OXR1: variants seen among roughly 807,000 people sequenced by gnomAD.
The protein encoded by OXR1 is oxidation resistance 1, also known as oxidation resistance protein 1.
OXR1 carries 41 observed loss-of-function variants against 104.6 expected under a neutral mutation model. The observed-to-expected ratio is 0.39, with a 90% CI of 0.31 to 0.51. The LOEUF is 0.51. Ranked by LOEUF, OXR1 falls within the 20% of genes least tolerant of loss-of-function variation. The probability of loss-of-function intolerance (pLI) is 0.77; values close to 1 mark genes in which losing one functional copy is unlikely to be tolerated. For missense variants in OXR1, 955 were observed against 1,031.9 expected, an observed-to-expected ratio of 0.93 and a Z score of 1.02; for synonymous variants, 348 against 348.4, an observed-to-expected ratio of 1.00 and a Z score of 0.01.
Position 106,680,020 on chromosome 8 carries a change from A to G in OXR1, c.303+728A>G, listed in dbSNP as rs1443747421. ...AGGAGAACAGCAATTTTAAACATTAATTTAGCATTTGTATCATTATGAAAC... is the reference window on the plus strand; with the variant it reads ...AGGAGAACAGCAATTTTAAACATTAGTTTAGCATTTGTATCATTATGAAAC... On this transcript the variant is annotated intron_variant, in intron 4 of 16. Transcript: ENST00000517566. Among the ~76,000 whole-genome samples the G allele has an allele frequency of 2.0e-5, 3 of 152,096 alleles. No individual in the cohort carries two copies. In the East Asian group the frequency reaches 5.8e-4, roughly 29 times the overall value.
intron 3 of OXR1, among the ~76,000 whole-genome samples, chr8:106,573,890 G>A (rs917185215): frequency 2.0e-5 from 3 of 148,538 alleles, no homozygotes; most frequent in African/African-American, 7.4e-5. Context: ...TGGGCCATGT[G>A]GCATTTAATG....
intron 3 of OXR1, among the ~76,000 whole-genome samples, chr8:106,631,545 G>A (rs1176455025): frequency 3.3e-5 from 5 of 152,104 alleles, no homozygotes; most frequent in Admixed American, 6.5e-5. Context: ...TGTTTTTGTG[G>A]TCTTAATTTT....
rs766615211 is a variant in OXR1, at chr8:106,683,312, A to G, written c.411+6A>G. 5.8e-6 allele frequency: 8 copies of G among 1,388,394 alleles called. No individual in the cohort carries two copies. The highest frequency in any genetic ancestry group is 1.4e-5 in the African/African-American group (1 of 70,512). The allele number at this position is 1,388,394 out of a possible 1,614,324, so 86.0% of individuals were successfully genotyped here. ...GAGCAGTTGTTACTGGACAGGTAGT[A>G]TCTTTTTTTTAATGTGCTGATGTTT... is the stretch of plus-strand genomic sequence containing the variant. On this transcript the variant is annotated splice_donor_region_variant and intron_variant, in intron 5 of 16. Coordinates refer to ENST00000517566, the MANE Select transcript of OXR1 (RefSeq NM_001198533.2).
At chr8:106,721,786 G>A (rs1171737635) in intron 11 of OXR1, among the ~76,000 whole-genome samples, 2 of 152,062 alleles carry the variant, frequency 1.3e-5, no homozygotes, top group Non-Finnish European at 2.9e-5. Flanking sequence ...TTTGACTTTA[G>A]TATTTAGTGC....
intron 2 of OXR1, among the ~76,000 whole-genome samples, chr8:106,381,082 A>G (rs1486203582): frequency 6.6e-6 from 1 of 152,180 alleles, no homozygotes; most frequent in African/African-American, 2.4e-5. Context: ...ATTTGTTGAG[A>G]AGGAAGCCAG....
At chr8:106,721,850 G>A (rs184869319) in intron 11 of OXR1, among the ~76,000 whole-genome samples, 2 of 152,140 alleles carry the variant, frequency 1.3e-5, no homozygotes, top group East Asian at 3.9e-4. Flanking sequence ...TAGCATTGTA[G>A]GCCATAACAT....
intron 3 of OXR1, among the ~76,000 whole-genome samples, chr8:106,577,841 C>T (rs1216346272): frequency 1.3e-5 from 2 of 152,182 alleles, no homozygotes; most frequent in Non-Finnish European, 2.9e-5. Context: ...GAATTCACTT[C>T]AGGTACGCTT....
chr8:106,528,619 C>T (rs1813864818), intron 3 of OXR1, among the ~76,000 whole-genome samples: 1 of 152,128 alleles, frequency 6.6e-6, no homozygotes, highest in South Asian at 2.1e-4. Context: ...TGCAGTACAC[C>T]AGACACTTTA....
At chr8:106,354,608 T>C (rs941156895) in intron 1 of OXR1, among the ~76,000 whole-genome samples, 32 of 152,174 alleles carry the variant, frequency 2.1e-4, no homozygotes, top group African/African-American at 7.7e-4. Context: ...CTTATGGTGC[T>C]TATGGTCAAA....
rs151247386 is a variant in OXR1, at chr8:106,374,291, A to G, written c.23+14655A>G. Among the ~76,000 whole-genome samples, 710 of 152,330 alleles carry G rather than the reference A, an allele frequency of 4.7e-3. 9 individuals are homozygous for G. The highest frequency in any genetic ancestry group is 0.016 in the African/African-American group (676 of 41,578). On this transcript the variant is annotated intron_variant, in intron 2 of 16. Coordinates refer to ENST00000517566, the MANE Select transcript of OXR1 (RefSeq NM_001198533.2). ...ATTACTTTTTTCCTACTACTGCTTTATAGTCATATTTAACATTTATGCATT... is the reference window on the plus strand; with the variant it reads ...ATTACTTTTTTCCTACTACTGCTTTGTAGTCATATTTAACATTTATGCATT...
intron 3 of OXR1, among the ~76,000 whole-genome samples, chr8:106,529,368 A>G (rs1813925186): frequency 6.6e-6 from 1 of 152,204 alleles, no homozygotes; most frequent in African/African-American, 2.4e-5. Flanking sequence ...GATTAAGGAA[A>G]TCCCACAAGC....
chr8:106,297,218 GATTTT>G (rs1813034783), intron 1 of OXR1, among the ~76,000 whole-genome samples: 1 of 151,992 alleles, frequency 6.6e-6, no homozygotes, highest in Non-Finnish European at 1.5e-5. Flanking sequence ...AATGGACTCA[GATTTT>G]ATTTTATTTT....
intron 1 of OXR1, among the ~76,000 whole-genome samples, chr8:106,352,311 C>A (rs1416994653): frequency 6.6e-6 from 1 of 152,092 alleles, no homozygotes; most frequent in Non-Finnish European, 1.5e-5. Flanking sequence ...TTTGTAAAAT[C>A]CACTGGATAT....
chr8:106,351,032 A>G (rs1042895453), intron 1 of OXR1, among the ~76,000 whole-genome samples: 11 of 152,218 alleles, frequency 7.2e-5, no homozygotes, highest in Non-Finnish European at 1.6e-4. Flanking sequence ...AAAACTTATA[A>G]AAGTATAGAC....
At chr8:106,671,127 C>T (rs547851457) in intron 3 of OXR1, among the ~76,000 whole-genome samples, 1 of 148,628 alleles carries the variant, frequency 6.7e-6, no homozygotes, top group Admixed American at 6.7e-5. Flanking sequence ...CCCTATCAAC[C>T]TCTAGTGGAA....
chr8:106,348,227 A>AT (rs1300732685), intron 1 of OXR1, among the ~76,000 whole-genome samples: 1 of 152,182 alleles, frequency 6.6e-6, no homozygotes, highest in Admixed American at 6.5e-5. Context: ...TAGGATGAAT[A>AT]TCAACAAGGT....
intron 2 of OXR1, among the ~76,000 whole-genome samples, chr8:106,406,580 G>T (rs1257972158): frequency 6.6e-6 from 1 of 152,144 alleles, no homozygotes; most frequent in African/African-American, 2.4e-5. Flanking sequence ...ATTACTAAAT[G>T]AAAGAAGCTA....
chr8:106,513,129 G>C (rs371541134), intron 2 of OXR1, among the ~76,000 whole-genome samples: 61 of 152,256 alleles, frequency 4.0e-4, no homozygotes, highest in African/African-American at 1.4e-3. Context: ...GCTAATTACT[G>C]TAAGAATCAT....
At chr8:106,729,933 C>CGTAGCCTTTTCAGATTGGCTTCTTT (rs1563753493) in intron 11 of OXR1, 1 of 152,118 alleles carries the variant, frequency 6.6e-6, no homozygotes, top group African/African-American at 2.4e-5. Context: ...CTGTGATGTA[C>CGTAGCCTTTTCAGATTGGCTTCTTT]CACTACCCAA....
Sources: gnomAD v4.1 joint callset for allele counts (sites outside exome capture counted in the v4.1 genomes callset) on GRCh38, gnomAD v4.1.1 for gene constraint, MANE v1.5 for transcripts, NCBI Gene and HGNC (gene_info 2026-07-23, HGNC 2026-07-21) for gene names.